Variants in SH2D4A observed in about 807,000 individuals in gnomAD.
SH2D4A encodes the protein SH2 domain-containing protein 4A.
A neutral mutation model predicts 64.7 loss-of-function variants in SH2D4A; 70 were observed. The observed-to-expected ratio is 1.08, with a 90% CI of 0.89 to 1.32. The LOEUF (loss-of-function observed/expected upper bound fraction) is 1.32, where lower values mean the gene tolerates loss of function less well. Ranked by LOEUF, SH2D4A falls within the 40% of genes most tolerant of loss-of-function variation. The pLI is 0.00. For missense variants in SH2D4A, 706 were observed against 540.1 expected (o/e 1.31, Z -3.04); for synonymous variants, 268 against 200.7 (o/e 1.34, Z -2.83).
intron 8 of SH2D4A, among the ~76,000 whole-genome samples, 158 bp from the exon 9 acceptor site, chr8:19,393,160 T>G (rs2053521661): frequency 6.6e-6 from 1 of 152,234 alleles, no homozygotes; most frequent in Non-Finnish European, 1.5e-5. Flanking sequence ...ACCAGAAGAA[T>G]ATTCCGTATT....
intron 2 of SH2D4A, among the ~76,000 whole-genome samples, chr8:19,327,284 G>A (rs537671336): frequency 2.0e-5 from 3 of 152,214 alleles, no homozygotes; most frequent in African/African-American, 2.4e-5. Flanking sequence ...GTAATTAAAC[G>A]AAGTGCTATA....
rs1172742367 is a variant in SH2D4A at position 19,393,466 on chromosome 8, T to G, written c.1197T>G (p.Ser399=). ...GTAAACATTTCCTCATCGATGCCTC[T>G]GCAGACGCCTACAGCTTCCTGGGCG... ...DGCKHFLIDA[S]ADAYSFLGVD... Residue 399 remains serine, a synonymous_variant, in exon 9 of 10, where the codon TCT becomes TCG. Coordinates refer to ENST00000265807, the MANE Select transcript of SH2D4A (RefSeq NM_022071.4). 1.2e-6 allele frequency: 2 copies of G among 1,614,142 alleles called. No homozygotes were observed. The highest frequency in any genetic ancestry group is 1.3e-5 in the African/African-American group (1 of 74,962).
At chr8:19,379,012 A>G (rs907649583) in intron 8 of SH2D4A, among the ~76,000 whole-genome samples, 1 of 150,746 alleles carries the variant, frequency 6.6e-6, no homozygotes, top group African/African-American at 2.4e-5. Flanking sequence ...AGTCTAGGAG[A>G]CAGAGGTTGC....
chr8:19,329,661 T>C (rs563317699), intron 2 of SH2D4A, among the ~76,000 whole-genome samples: 2 of 152,312 alleles, frequency 1.3e-5, no homozygotes, highest in Admixed American at 6.5e-5. Flanking sequence ...TGGGAGGCAA[T>C]TGAATCATGG....
chr8:19,363,346 G>T (rs894988657), intron 6 of SH2D4A, among the ~76,000 whole-genome samples: 4 of 152,044 alleles, frequency 2.6e-5, no homozygotes, highest in South Asian at 2.1e-4. Flanking sequence ...CAAAGTGCAG[G>T]TATTACAGGT....
At chr8:19,373,455 T>TATATATACACACACCC in intron 7 of SH2D4A, 75 bp from the exon 8 acceptor site, 19 of 962,212 alleles carry the variant, frequency 2.0e-5, no homozygotes, top group Middle Eastern at 3.7e-4. Context: ...TATATATATA[T>TATATATACACACACCC]ATATATATAT....
At chr8:19,368,620 C>CTTTTT (rs34764005) in intron 7 of SH2D4A, among the ~76,000 whole-genome samples, 41 of 136,278 alleles carry the variant, frequency 3.0e-4, no homozygotes, top group East Asian at 4.3e-4. Context: ...AATAAAATTG[C>CTTTTT]TTTTTTTTTT....
chr8:19,323,238 C>G (rs1258333367), intron 2 of SH2D4A, among the ~76,000 whole-genome samples: 4 of 152,002 alleles, frequency 2.6e-5, no homozygotes, highest in African/African-American at 4.8e-5. Context: ...GTGTGCTATA[C>G]ATGTAAACTA....
At chr8:19,348,475 A>G (rs1288685002) in intron 4 of SH2D4A, among the ~76,000 whole-genome samples, 1 of 152,198 alleles carries the variant, frequency 6.6e-6, no homozygotes, top group Non-Finnish European at 1.5e-5. Flanking sequence ...AAGATATAAT[A>G]TGAAACTTCC....
chr8:19,326,651 T>G (rs1466624372), intron 2 of SH2D4A, among the ~76,000 whole-genome samples: 3 of 151,948 alleles, frequency 2.0e-5, no homozygotes, highest in Non-Finnish European at 4.4e-5. Flanking sequence ...ACATCGTGTG[T>G]GTGTATGTGT....
At chr8:19,388,533 A>G (rs2053428668) in intron 8 of SH2D4A, among the ~76,000 whole-genome samples, 1 of 152,214 alleles carries the variant, frequency 6.6e-6, no homozygotes, top group Non-Finnish European at 1.5e-5. Flanking sequence ...GGATAATAAC[A>G]ATATATCTAT....
At chr8:19,375,676 C>T (rs1454486328) in intron 8 of SH2D4A, 2 of 151,924 alleles carry the variant, frequency 1.3e-5, no homozygotes, top group African/African-American at 4.8e-5. Flanking sequence ...TTCTATTTCA[C>T]AGCATGATAA....
chr8:19,317,121 C>G (rs968966438), intron 1 of SH2D4A, among the ~76,000 whole-genome samples: 3 of 152,126 alleles, frequency 2.0e-5, no homozygotes, highest in African/African-American at 7.2e-5. Flanking sequence ...TCATCTTCTG[C>G]CGTGTGTGAT....
At chr8:19,363,645 C>A (rs1197973364) in intron 6 of SH2D4A, among the ~76,000 whole-genome samples, 1 of 152,188 alleles carries the variant, frequency 6.6e-6, no homozygotes, top group South Asian at 2.1e-4. Flanking sequence ...TAGTCCTGAT[C>A]TCTGCTAGTG....
chr8:19,357,864 T>C (rs2052818048), intron 5 of SH2D4A, among the ~76,000 whole-genome samples: 3 of 152,146 alleles, frequency 2.0e-5, no homozygotes, highest in East Asian at 1.9e-4. Context: ...GAAGCTGTAG[T>C]AGGATTTGAC....
rs142219075 is a variant in SH2D4A at position 19,321,627 on chromosome 8, A to G, written c.181+1899A>G. On this transcript the variant is annotated intron_variant, in intron 2 of 9. Coordinates refer to ENST00000265807, the MANE Select transcript of SH2D4A (RefSeq NM_022071.4). ...TCCAAAATACAACTTTTCCTCCAAC[A>G]AATAACATGGCCAAACTGAAACATA... 3.9e-4 allele frequency among the ~76,000 whole-genome samples: 59 copies of G among 152,352 alleles called. No individual in the cohort carries two copies. The East Asian group carries it at 0.011, about 28-fold the overall frequency.
intron 2 of SH2D4A, among the ~76,000 whole-genome samples, chr8:19,327,730 G>C (rs900147906): frequency 8.5e-5 from 13 of 152,168 alleles, no homozygotes; most frequent in African/African-American, 2.9e-4. Context: ...ATGGAGCAGT[G>C]GTGGGAATGT....
chr8:19,378,708 C>A (rs547429561), intron 8 of SH2D4A, among the ~76,000 whole-genome samples: 157 of 151,952 alleles, frequency 1.0e-3, no homozygotes, highest in African/African-American at 3.6e-3. Flanking sequence ...ATGGCTGGGA[C>A]AACCGTTTTT....
intron 8 of SH2D4A, among the ~76,000 whole-genome samples, chr8:19,388,668 C>T (rs1383737620): frequency 6.6e-6 from 1 of 152,152 alleles, no homozygotes; most frequent in African/African-American, 2.4e-5. Context: ...TATTAGACCT[C>T]GTGGCACTTC....
Sources: gnomAD v4.1 joint callset for allele counts (sites outside exome capture counted in the v4.1 genomes callset) on GRCh38, gnomAD v4.1.1 for gene constraint, MANE v1.5 for transcripts, NCBI Gene and HGNC (gene_info 2026-07-23, HGNC 2026-07-21) for gene names.